SHISA6: variants seen among roughly 807,000 people sequenced by gnomAD.
The protein encoded by SHISA6 is protein shisa-6.
Under a neutral mutation model 47.9 loss-of-function variants are expected in SHISA6, and 22 were observed. The ratio of observed to expected loss-of-function variants is 0.46; its 90% CI spans 0.33 to 0.66. The LOEUF (loss-of-function observed/expected upper bound fraction) is 0.66, where lower values mean the gene tolerates loss of function less well. Ranked by LOEUF, SHISA6 falls within the 30% of genes least tolerant of loss-of-function variation. The pLI, the probability that SHISA6 is intolerant of heterozygous loss-of-function variation, is 0.02. For synonymous variants in SHISA6, 388 were observed against 337.8 expected, an observed-to-expected ratio of 1.15 and a Z score of -1.63; for missense variants, 680 against 764.6, an observed-to-expected ratio of 0.89 and a Z score of 1.30.
At chr17:11,532,487 G>GTGTGTGTGTGCGCGCACGCGCGTA (rs946369538) in intron 3 of SHISA6, among the ~76,000 whole-genome samples, 1 of 152,056 alleles carries the variant, frequency 6.6e-6, no homozygotes, top group African/African-American at 2.4e-5. Flanking sequence ...GCGCGCGCGT[G>GTGTGTGTGTGCGCGCACGCGCGTA]TGTGTGTGTG....
At chr17:11,504,188 A>T (rs2071478341) in intron 3 of SHISA6, among the ~76,000 whole-genome samples, 1 of 152,182 alleles carries the variant, frequency 6.6e-6, no homozygotes, top group Non-Finnish European at 1.5e-5. Flanking sequence ...GGAAGAGGGA[A>T]GGCTGGCTTC....
chr17:11,315,403 T>C (rs1405026544), intron 2 of SHISA6, among the ~76,000 whole-genome samples: 3 of 152,190 alleles, frequency 2.0e-5, no homozygotes, highest in Non-Finnish European at 4.4e-5. Flanking sequence ...ATGCCTCTTC[T>C]ATTTCAATAT....
intron 3 of SHISA6, among the ~76,000 whole-genome samples, chr17:11,501,826 G>A (rs913062341): frequency 5.9e-5 from 9 of 152,190 alleles, no homozygotes; most frequent in African/African-American, 2.2e-4. Flanking sequence ...GATAGACAAG[G>A]ACAAGAGAGC....
At chr17:11,311,121 A>C (rs1910318203) in intron 2 of SHISA6, among the ~76,000 whole-genome samples, 1 of 150,216 alleles carries the variant, frequency 6.7e-6, no homozygotes, top group Admixed American at 6.6e-5. Flanking sequence ...AAAAAAAAAA[A>C]AAAAAAAAAA....
In SHISA6 at chr17:11,414,980, G is replaced by T. The variant is rs941410087; in HGVS notation, c.895+35471G>T. On this transcript the variant is annotated intron_variant, in intron 3 of 5. Coordinates refer to ENST00000441885, the MANE Select transcript of SHISA6 (RefSeq NM_207386.4). ...ACACGCCTGTAGTCCCAGCTACTTG[G>T]GAGGCTGAGACAGGAGAATCGCTTG... 2.6e-5 allele frequency among the ~76,000 whole-genome samples: 4 copies of T among 152,046 alleles called. No individual in the cohort carries two copies. In the East Asian group the frequency reaches 5.8e-4, roughly 22 times the overall value.
At chr17:11,463,937 G>C (rs1915751228) in intron 3 of SHISA6, among the ~76,000 whole-genome samples, 1 of 152,162 alleles carries the variant, frequency 6.6e-6, no homozygotes, top group Non-Finnish European at 1.5e-5. Context: ...TTTGTTTTGA[G>C]ACAGGGTCTT....
intron 3 of SHISA6, among the ~76,000 whole-genome samples, chr17:11,409,480 C>T (rs1218719042): frequency 2.0e-5 from 3 of 151,790 alleles, no homozygotes; most frequent in South Asian, 2.1e-4. Flanking sequence ...CTGAGGCGGG[C>T]GGATCACGAA....
chr17:11,375,985 G>A (rs768507822), intron 2 of SHISA6, among the ~76,000 whole-genome samples: 3 of 152,116 alleles, frequency 2.0e-5, no homozygotes, highest in Non-Finnish European at 4.4e-5. Flanking sequence ...GTGTCTGTCC[G>A]TCCTGTGACA....
At chr17:11,259,703 T>G (rs1253268695) in intron 1 of SHISA6, among the ~76,000 whole-genome samples, 1 of 152,200 alleles carries the variant, frequency 6.6e-6, no homozygotes, top group Non-Finnish European at 1.5e-5. Context: ...AATACATAAT[T>G]GGTATTGAAC....
chr17:11,517,308 G>C (rs1025160891), intron 3 of SHISA6, among the ~76,000 whole-genome samples: 1 of 152,078 alleles, frequency 6.6e-6, no homozygotes, highest in South Asian at 2.1e-4. Context: ...GCAGGTAGGG[G>C]AATAGTGAAT....
intron 2 of SHISA6, among the ~76,000 whole-genome samples, chr17:11,374,748 A>G (rs921660352): frequency 1.3e-5 from 2 of 152,032 alleles, no homozygotes; most frequent in African/African-American, 4.8e-5. Flanking sequence ...AGCACTTAAT[A>G]CTAGTACTTA....
chr17:11,499,804 T>A (rs1208639884), intron 3 of SHISA6, among the ~76,000 whole-genome samples: 9 of 151,652 alleles, frequency 5.9e-5, no homozygotes, highest in African/African-American at 2.2e-4. Context: ...CAGGTTCAAG[T>A]GATTCTCCTG....
rs185707671 is a variant in SHISA6, at chr17:11,430,958, C to A, written c.895+51449C>A. The stretch of plus-strand genomic sequence containing the variant: ...ATCAGAGCAGCTTGTCACGGAGGAG[C>A]CTTTGTGGCTGGAATGGGCATTTGC... On this transcript the variant is annotated intron_variant, in intron 3 of 5. Transcript: ENST00000441885. Among the ~76,000 whole-genome samples, 16 of 152,242 alleles carry A rather than the reference C, an allele frequency of 1.1e-4. No individual in the cohort carries two copies. The East Asian group carries it at 2.9e-3, about 28-fold the overall frequency.
intron 3 of SHISA6, among the ~76,000 whole-genome samples, chr17:11,477,294 A>G (rs866668647): frequency 6.8e-6 from 1 of 147,324 alleles, no homozygotes; most frequent in South Asian, 2.2e-4. Flanking sequence ...AGTATCTACC[A>G]TATTTATTAC....
chr17:11,410,726 G>A (rs991148861), intron 3 of SHISA6, among the ~76,000 whole-genome samples: 10 of 152,260 alleles, frequency 6.6e-5, no homozygotes, highest in Middle Eastern at 3.4e-3. Flanking sequence ...GGTTGTCAAA[G>A]TGTGGTCCCT....
At chr17:11,305,547 G>C (rs947768274) in intron 2 of SHISA6, among the ~76,000 whole-genome samples, 3 of 152,198 alleles carry the variant, frequency 2.0e-5, no homozygotes, top group African/African-American at 7.2e-5. Flanking sequence ...AGCCCGCTTG[G>C]GATGACACAC....
In SHISA6 at chr17:11,551,762, G is replaced by T. The variant is rs531376599; in HGVS notation, c.896-134G>T. The T allele has an allele frequency of 5.5e-6, 4 of 731,420 alleles. No homozygotes were observed. In the South Asian group the frequency reaches 7.3e-5, roughly 13 times the overall value. 45.3% of individuals were successfully genotyped at this position (731,420 alleles called of 1,614,324 possible). A position where few individuals can be genotyped will look rare whatever the true frequency, so the allele number is the denominator to read the frequency against. Reference sequence around the variant, plus strand: ...GACGTTTCTTGGAGCCTCATACAATGACCTCTGCCTTTCTTAGAAGTGCTT... The same window carrying T: ...GACGTTTCTTGGAGCCTCATACAATTACCTCTGCCTTTCTTAGAAGTGCTT... On this transcript the variant is annotated intron_variant, in intron 3 of 5. Coordinates refer to ENST00000441885, the MANE Select transcript of SHISA6 (RefSeq NM_207386.4).
At chr17:11,255,228 G>A (rs1399176801) in intron 1 of SHISA6, among the ~76,000 whole-genome samples, 1 of 152,072 alleles carries the variant, frequency 6.6e-6, no homozygotes, top group Non-Finnish European at 1.5e-5. Context: ...GGTCTTTTTT[G>A]TGTACCCTGC....
At chr17:11,328,562 T>G (rs959687344) in intron 2 of SHISA6, among the ~76,000 whole-genome samples, 1 of 152,204 alleles carries the variant, frequency 6.6e-6, no homozygotes, top group African/African-American at 2.4e-5. Flanking sequence ...GTGCCTGGTA[T>G]GTAGGAAACA....
Sources: gnomAD v4.1 joint callset for allele counts (sites outside exome capture counted in the v4.1 genomes callset) on GRCh38, gnomAD v4.1.1 for gene constraint, MANE v1.5 for transcripts, NCBI Gene and HGNC (gene_info 2026-07-23, HGNC 2026-07-21) for gene names.